Variants in R3HDM1 observed in about 807,000 individuals in gnomAD.
R3HDM1 encodes R3H domain containing 1, also known as R3H domain-containing protein 1.
Under a neutral mutation model 141.1 loss-of-function variants are expected in R3HDM1, and 46 were observed. That is an observed-to-expected ratio of 0.33 (90% CI 0.26 to 0.42). The LOEUF is 0.42. Ranked by LOEUF, R3HDM1 falls within the 10% of genes least tolerant of loss-of-function variation. The probability of loss-of-function intolerance (pLI) is 1.00; values close to 1 mark genes in which losing one functional copy is unlikely to be tolerated. For synonymous variants in R3HDM1, 435 were observed against 472.9 expected, an observed-to-expected ratio of 0.92 and a Z score of 1.04; for missense variants, 1,184 against 1,368.3, an observed-to-expected ratio of 0.87 and a Z score of 2.12.
intron 19 of R3HDM1, among the ~76,000 whole-genome samples, chr2:135,664,031 C>CA (rs11382173): frequency 0.56 from 57,899 of 103,564 alleles, 16,672 homozygotes; most frequent in East Asian, 0.87. Context: ...GAGACTGTCT[C>CA]AAAAAAAAAA....
intron 3 of R3HDM1, among the ~76,000 whole-genome samples, chr2:135,610,618 C>T (rs2060453271): frequency 6.6e-6 from 1 of 152,174 alleles, no homozygotes; most frequent in African/African-American, 2.4e-5. Flanking sequence ...GTTCAGAACA[C>T]AATGCCACGC....
At chr2:135,573,036 A>C (rs987191350) in intron 1 of R3HDM1, among the ~76,000 whole-genome samples, 4 of 152,224 alleles carry the variant, frequency 2.6e-5, no homozygotes, top group Non-Finnish European at 4.4e-5. Context: ...TAAAGAGGGC[A>C]GTTGCTCTAT....
intron 25 of R3HDM1, 110 bp downstream of exon 25, chr2:135,722,116 G>A (rs2076755274): frequency 9.7e-7 from 1 of 1,033,530 alleles, no homozygotes; most frequent in Admixed American, 2.0e-5. Flanking sequence ...GAAGAGCTCT[G>A]TGCCTCAGCC....
intron 24 of R3HDM1, among the ~76,000 whole-genome samples, chr2:135,720,357 T>C (rs2076586638): frequency 6.6e-6 from 1 of 152,254 alleles, no homozygotes; most frequent in African/African-American, 2.4e-5. Context: ...CTTTCTGTTA[T>C]GAAGCTCTCA....
intron 1 of R3HDM1, among the ~76,000 whole-genome samples, chr2:135,588,054 T>C (rs780631342): frequency 8.6e-5 from 13 of 151,914 alleles, no homozygotes; most frequent in Admixed American, 6.6e-5. Context: ...CTCTCTCTTT[T>C]ATCTTTCTAC....
intron 19 of R3HDM1, chr2:135,668,997 G>T: frequency 2.8e-6 from 1 of 351,378 alleles, no homozygotes; most frequent in South Asian, 1.2e-4. Flanking sequence ...ACCTGAAATA[G>T]TGTCACTATT....
At chr2:135,535,793 CTG>C (rs1248204357) in intron 1 of R3HDM1, among the ~76,000 whole-genome samples, 2 of 152,108 alleles carry the variant, frequency 1.3e-5, no homozygotes, top group Non-Finnish European at 2.9e-5. Context: ...ATCAACATGA[CTG>C]TATATCATTT....
chr2:135,577,363 G>A (rs1365752339), intron 1 of R3HDM1: 3 of 178,322 alleles, frequency 1.7e-5, no homozygotes, highest in African/African-American at 9.3e-5. Context: ...TAGCCAAAAG[G>A]CTAAGAAGCC....
rs1234751541 is a variant in R3HDM1 at position 135,724,430 on chromosome 2, G to A, written c.*138G>A. ...ATGGCATTATAGCTTTTGAAGAAAG[G>A]CCAGTGATCCAGCAAAGGGGGAAAA... On this transcript the variant is annotated 3_prime_UTR_variant, in exon 27 of 27. Coordinates refer to ENST00000683871, the MANE Select transcript of R3HDM1 (RefSeq NM_001378107.1). 3.1e-6 allele frequency: 2 copies of A among 648,404 alleles called. No homozygotes were observed. The highest frequency in any genetic ancestry group is 5.0e-6 in the Non-Finnish European group (2 of 398,562). 40.2% of individuals were successfully genotyped at this position (648,404 alleles called of 1,614,324 possible).
chr2:135,626,209 G>GTGCGTGTGTGCT (rs1553576639), intron 7 of R3HDM1, among the ~76,000 whole-genome samples: 1 of 143,334 alleles, frequency 7.0e-6, no homozygotes, highest in East Asian at 2.0e-4. Flanking sequence ...GCGTGCGTGC[G>GTGCGTGTGTGCT]TGCTTGCTTG....
Position 135,635,953 on chromosome 2 carries a change from T to C in R3HDM1, c.762T>C (p.Tyr254=). Residue 254 remains tyrosine, a synonymous_variant, in exon 10 of 27, where the codon TAT becomes TAC. Transcript: ENST00000683871. The part of the protein sequence containing the change: ...DDKGEDFQKR[Y]ILKRDNSSFD... ...AAGGTGAAGACTTTCAGAAACGTTA[T>C]ATCCTCAAGAGAGATAACTCTAGCT... 3 of 1,611,680 alleles carry C rather than the reference T, an allele frequency of 1.9e-6. No homozygotes were observed. Among genetic ancestry groups the C allele is most frequent in the Non-Finnish European group, 2.5e-6 (3 of 1,179,122 alleles).
chr2:135,553,721 T>TC (rs1225358100), intron 1 of R3HDM1, among the ~76,000 whole-genome samples: 1 of 152,266 alleles, frequency 6.6e-6, no homozygotes, highest in Non-Finnish European at 1.5e-5. Flanking sequence ...AGACGGAGTC[T>TC]CACTCTGTCG....
intron 21 of R3HDM1, among the ~76,000 whole-genome samples, chr2:135,686,759 T>C (rs534997941): frequency 4.1e-4 from 63 of 152,260 alleles, no homozygotes; most frequent in African/African-American, 1.5e-3. Flanking sequence ...AGGTTATATA[T>C]GTACTGTAAT....
chr2:135,698,980 CAGAT>C (rs71400533), intron 21 of R3HDM1, among the ~76,000 whole-genome samples: 978 of 78,178 alleles, frequency 0.013, 8 homozygotes, highest in African/African-American at 0.034. Context: ...ATATTACACT[CAGAT>C]AGATAGATAG....
chr2:135,685,907 T>C (rs1215121044), intron 21 of R3HDM1, among the ~76,000 whole-genome samples: 1 of 152,176 alleles, frequency 6.6e-6, no homozygotes, highest in Non-Finnish European at 1.5e-5. Context: ...AGGAATTACA[T>C]GTCTAGAACT....
chr2:135,577,136 A>G, intron 1 of R3HDM1: 1 of 972,940 alleles, frequency 1.0e-6, no homozygotes, highest in East Asian at 1.1e-4. Flanking sequence ...TTTCTTATTT[A>G]ACCTTTGTGT....
In R3HDM1 at chr2:135,621,490, A is replaced by G. The variant is rs781454474; in HGVS notation, c.304-4A>G. ...ATTGAATAATTGACTTTGCCTTCCA[A>G]CAGGAGAAAATTCAGATCCAGTTAA... On this transcript the variant is annotated splice_polypyrimidine_tract_variant and splice_region_variant and intron_variant, in intron 5 of 26. Transcript: ENST00000683871. 1.4e-5 allele frequency: 21 copies of G among 1,544,322 alleles called. No individual in the cohort carries two copies. The South Asian group carries it at 2.4e-4, about 18-fold the overall frequency.
intron 1 of R3HDM1, among the ~76,000 whole-genome samples, chr2:135,568,396 C>T (rs1299766178): frequency 6.6e-6 from 1 of 151,760 alleles, no homozygotes; most frequent in Non-Finnish European, 1.5e-5. Flanking sequence ...GTTGCCCAGG[C>T]TGGAGTGCAG....
intron 1 of R3HDM1, among the ~76,000 whole-genome samples, chr2:135,559,515 T>G (rs1701412204): frequency 6.6e-6 from 1 of 152,218 alleles, no homozygotes. Flanking sequence ...ATCCTGCATT[T>G]CTTCTAATTT....
Sources: allele counts gnomAD v4.1 joint callset (sites outside exome capture counted in the v4.1 genomes callset), GRCh38; gene constraint gnomAD v4.1.1; transcripts MANE v1.5; gene names NCBI Gene and HGNC (gene_info 2026-07-23, HGNC 2026-07-21).